The following CDH3 variants were observed in gnomAD, a reference collection of about 807,000 sequenced individuals.
CDH3 encodes the protein cadherin-3.
In CDH3, 54 loss-of-function variants were observed where a neutral mutation model predicts 82.0. The observed-to-expected ratio is 0.66, with a 90% confidence interval of 0.53 to 0.83. The LOEUF (loss-of-function observed/expected upper bound fraction) is 0.83, where lower values mean the gene tolerates loss of function less well. Ranked by LOEUF, CDH3 falls within the 40% of genes least tolerant of loss-of-function variation. The probability of loss-of-function intolerance (pLI) is 0.00; values close to 1 mark genes in which losing one functional copy is unlikely to be tolerated. For missense variants in CDH3, 1,054 were observed against 1,084.6 expected, an observed-to-expected ratio of 0.97 and a Z score of 0.40; for synonymous variants, 446 against 437.9, an observed-to-expected ratio of 1.02 and a Z score of -0.23.
At chr16:68,689,526 A>T (rs1961505267) in intron 12 of CDH3, among the ~76,000 whole-genome samples, 2 of 147,720 alleles carry the variant, frequency 1.4e-5, no homozygotes, top group South Asian at 2.2e-4. Flanking sequence ...ACAGAGCGAG[A>T]CTCTGTCTCA....
At chr16:68,650,647 C>T (rs748872148) in intron 2 of CDH3, among the ~76,000 whole-genome samples, 11 of 152,110 alleles carry the variant, frequency 7.2e-5, no homozygotes, top group Non-Finnish European at 1.6e-4. Context: ...GTACAGAAAC[C>T]ACAAACTGAT....
intron 15 of CDH3, chr16:68,697,025 CAA>C (rs35368084): frequency 1.4e-3 from 192 of 139,328 alleles, no homozygotes; most frequent in Admixed American, 1.7e-3. Flanking sequence ...GACTCCATCT[CAA>C]AAAAAAAAAA....
chr16:68,666,359 ACACCCAATAGGTG>A (rs1414311252), intron 2 of CDH3, among the ~76,000 whole-genome samples: 1 of 152,086 alleles, frequency 6.6e-6, no homozygotes, highest in East Asian at 1.9e-4. Context: ...AAAGGCCTGG[ACACCCAATAGGTG>A]CACCCAGGGC....
chr16:68,718,566 C>T (rs1458272836), intron 1 of CDH3, among the ~76,000 whole-genome samples: 1 of 152,076 alleles, frequency 6.6e-6, no homozygotes, highest in African/African-American at 2.4e-5. Context: ...CCTGTAACCC[C>T]AGCTACTCGG....
chr16:68,673,802 G>A (rs1001319174), intron 2 of CDH3, among the ~76,000 whole-genome samples: 1 of 152,074 alleles, frequency 6.6e-6, no homozygotes, highest in African/African-American at 2.4e-5. Context: ...GTGCACACCT[G>A]TAGGCCCAGC....
exon 3 of CDH3, among the ~76,000 whole-genome samples, chr16:68,727,238 C>T (rs571014742): frequency 6.6e-6 from 1 of 152,196 alleles, no homozygotes; most frequent in Non-Finnish European, 1.5e-5. Flanking sequence ...CAGCAGCCCC[C>T]CAGTGTTCTC....
intron 2 of CDH3, among the ~76,000 whole-genome samples, chr16:68,675,204 T>C (rs901185092): frequency 4.6e-5 from 7 of 152,034 alleles, no homozygotes; most frequent in African/African-American, 1.7e-4. Context: ...TAAACCAAAA[T>C]AATAATAATC....
At chr16:68,693,301 G>A (rs1161310269) in intron 13 of CDH3, among the ~76,000 whole-genome samples, 2 of 152,206 alleles carry the variant, frequency 1.3e-5, no homozygotes, top group Non-Finnish European at 2.9e-5. Context: ...ATATGGGGGC[G>A]AAGGTGGAGG....
chr16:68,702,031 A>G (rs1339539672), downstream of CDH3, among the ~76,000 whole-genome samples: 2 of 151,802 alleles, frequency 1.3e-5, no homozygotes, highest in Non-Finnish European at 2.9e-5. Flanking sequence ...TCTAAAAAAT[A>G]TATATATCTA....
intron 9 of CDH3, 52 bp from the exon 10 acceptor site, chr16:68,684,531 A>G: frequency 2.5e-6 from 4 of 1,611,530 alleles, no homozygotes; most frequent in Non-Finnish European, 3.4e-6. Context: ...TGTCCTGCAC[A>G]GGACCTCCTC....
At chr16:68,697,989 C>T in intron 15 of CDH3, 1 of 648,636 alleles carries the variant, frequency 1.5e-6, no homozygotes, top group Non-Finnish European at 2.8e-6. Flanking sequence ...TTGCCCTTAC[C>T]CCCTGGCCTG....
At chr16:68,705,792 G>A (rs969869353) in intron 1 of CDH3, among the ~76,000 whole-genome samples, 4 of 151,218 alleles carry the variant, frequency 2.6e-5, no homozygotes, top group East Asian at 2.0e-4. Context: ...TGAGCCGGGC[G>A]CGGTGGCTCA....
At chr16:68,672,691 A>C (rs1214919764) in intron 2 of CDH3, among the ~76,000 whole-genome samples, 3 of 152,204 alleles carry the variant, frequency 2.0e-5, no homozygotes, top group African/African-American at 7.2e-5. Flanking sequence ...GATGTCGTCA[A>C]GGAGGCAGGG....
intron 12 of CDH3, 63 bp downstream of exon 12, chr16:68,687,799 AC>A: frequency 8.5e-7 from 1 of 1,179,042 alleles, no homozygotes; most frequent in Non-Finnish European, 1.3e-6. Flanking sequence ...TCTGCCCCAC[AC>A]CAGGATTCTG....
chr16:68,656,882 G>C (rs1359994632), intron 2 of CDH3, among the ~76,000 whole-genome samples: 1 of 152,154 alleles, frequency 6.6e-6, no homozygotes, highest in Non-Finnish European at 1.5e-5. Context: ...TTAAGATATG[G>C]GGGAACAGGG....
At chr16:68,681,983 T>C (rs1392151773) in intron 8 of CDH3, among the ~76,000 whole-genome samples, 2 of 152,238 alleles carry the variant, frequency 1.3e-5, no homozygotes, top group Non-Finnish European at 2.9e-5. Context: ...ACCTTCCTTA[T>C]TCCTTTCTGA....
intron 7 of CDH3, 34 bp from the exon 8 acceptor site, chr16:68,680,934 C>T: frequency 6.2e-7 from 1 of 1,613,546 alleles, no homozygotes; most frequent in Non-Finnish European, 8.5e-7. Flanking sequence ...TCAGATTAAA[C>T]TCACAATGGG....
chr16:68,651,423 T>G (rs911144491), intron 2 of CDH3: 1 of 547,318 alleles, frequency 1.8e-6, no homozygotes, highest in Non-Finnish European at 3.7e-6. Context: ...CATACCCGAC[T>G]GGCTTGCACA....
At position 68,661,602 on chromosome 16, in the gene CDH3, T is replaced by G. The variant is rs912767890; in HGVS notation, c.161-14783T>G. ...CATTCAACAATTATCAAACACCTACTTTGTACTGGGCACAGTGCTAAATGC... is the reference window on the plus strand; with the variant it reads ...CATTCAACAATTATCAAACACCTACGTTGTACTGGGCACAGTGCTAAATGC... On this transcript the variant is annotated intron_variant, in intron 2 of 15. Coordinates refer to ENST00000264012, the MANE Select transcript of CDH3 (RefSeq NM_001793.6). 2.0e-5 allele frequency among the ~76,000 whole-genome samples: 3 copies of G among 152,360 alleles called. No individual in the cohort carries two copies. The East Asian group carries it at 5.8e-4, about 29-fold the overall frequency.
Sources: gnomAD v4.1 joint callset for allele counts (sites outside exome capture counted in the v4.1 genomes callset) on GRCh38, gnomAD v4.1.1 for gene constraint, MANE v1.5 for transcripts, NCBI Gene and HGNC (gene_info 2026-07-23, HGNC 2026-07-21) for gene names.